The following RBM39 variants were observed in gnomAD, a reference collection of about 807,000 sequenced individuals.
RBM39 encodes RNA-binding protein 39.
Under a neutral mutation model 79.6 loss-of-function variants are expected in RBM39, and 12 were observed. The ratio of observed to expected loss-of-function variants is 0.15; its 90% confidence interval spans 0.10 to 0.24. RBM39 has a LOEUF of 0.24. RBM39 is among the 10% of genes least tolerant of loss of function. The pLI is 1.00. For missense variants in RBM39, 243 were observed against 653.4 expected, an observed-to-expected ratio of 0.37 and a Z score of 6.85; for synonymous variants, 185 against 208.4, an observed-to-expected ratio of 0.89 and a Z score of 0.97.
At chr20:35,715,766 T>C (rs978335399) in intron 10 of RBM39, among the ~76,000 whole-genome samples, 1 of 152,162 alleles carries the variant, frequency 6.6e-6, no homozygotes, top group African/African-American at 2.4e-5. Flanking sequence ...CTGTGGAAAG[T>C]GTGACTTGGC....
At chr20:35,735,805 A>C (rs1486393824) in intron 3 of RBM39, among the ~76,000 whole-genome samples, 2 of 152,232 alleles carry the variant, frequency 1.3e-5, no homozygotes, top group Non-Finnish European at 2.9e-5. Context: ...AGTGTTTTGA[A>C]AGGATCTTCC....
At chr20:35,739,107 C>G (rs1569083913) in intron 2 of RBM39, 90 bp from the exon 3 acceptor site, 2 of 1,096,032 alleles carry the variant, frequency 1.8e-6, no homozygotes, top group African/African-American at 3.2e-5. Context: ...TAAGAAAATA[C>G]AAAACAATTT....
intron 3 of RBM39, chr20:35,734,334 C>T: frequency 1.2e-6 from 1 of 818,332 alleles, no homozygotes; most frequent in Non-Finnish European, 1.8e-6. Flanking sequence ...TTAGGCTACA[C>T]TCATTATTTA....
chr20:35,724,493 CACA>C, intron 8 of RBM39, 74 bp downstream of exon 8: 1 of 1,349,708 alleles, frequency 7.4e-7, no homozygotes, highest in Non-Finnish European at 9.9e-7. Context: ...AGTCACAGAA[CACA>C]ACAGCACTAT....
intron 8 of RBM39, among the ~76,000 whole-genome samples, chr20:35,722,927 C>A (rs189196977): frequency 6.8e-6 from 1 of 147,118 alleles, no homozygotes; most frequent in South Asian, 2.2e-4. Context: ...GAGCGAGACT[C>A]CGTCTCAAGA....
intron 3 of RBM39, among the ~76,000 whole-genome samples, chr20:35,737,876 A>G (rs911511982): frequency 4.9e-4 from 60 of 121,532 alleles, no homozygotes; most frequent in African/African-American, 1.9e-3. Context: ...AAAAAAGGCC[A>G]GGCGCGGTGG....
chr20:35,732,204 G>A (rs776836499), intron 3 of RBM39, 69 bp from the exon 4 acceptor site: 130 of 1,346,812 alleles, frequency 9.7e-5, no homozygotes, highest in Non-Finnish European at 1.3e-4. Flanking sequence ...ACCTTTTATG[G>A]CCAGAATCAT....
In RBM39 at chr20:35,705,346, A is replaced by T; in HGVS notation, c.1308-16T>A. 2 of 1,381,348 alleles carry T rather than the reference A, an allele frequency of 1.4e-6. No individual in the cohort carries two copies. The highest frequency in any genetic ancestry group is 2.0e-6 in the Non-Finnish European group (2 of 985,324). 85.6% of individuals were successfully genotyped at this position (1,381,348 alleles called of 1,614,324 possible). ...TTCTTCTTCTCTGTAAGAAAGTATT[A>T]AGGACTCTTAAATACTATTGAAACT... On this transcript the variant is annotated splice_polypyrimidine_tract_variant and intron_variant, in intron 14 of 16. Coordinates refer to ENST00000253363, the MANE Select transcript of RBM39 (RefSeq NM_184234.3).
Position 35,731,812 on chromosome 20 carries a change from C to T in RBM39, c.296+129G>A, listed in dbSNP as rs2039398218. 5.3e-5 allele frequency: 49 copies of T among 925,274 alleles called. 1 individual carries two copies. The South Asian group carries it at 7.8e-4, about 15-fold the overall frequency. 57.3% of individuals were successfully genotyped at this position (925,274 alleles called of 1,614,324 possible). A position where few individuals can be genotyped will look rare whatever the true frequency, so the allele number is the denominator to read the frequency against. On this transcript the variant is annotated intron_variant, in intron 4 of 16. Transcript: ENST00000253363. ...TTTACTAGTATTCAATGCCAATATC[C>T]TTAATTCAATACTTTTTAACCAATC...
intron 3 of RBM39, chr20:35,736,521 G>A (rs2039924093): frequency 4.3e-6 from 2 of 469,130 alleles, no homozygotes; most frequent in African/African-American, 4.0e-5. Context: ...ACCTAACACA[G>A]TTGTAGTGAG....
chr20:35,720,695 C>CAG, intron 9 of RBM39, among the ~76,000 whole-genome samples: 1 of 152,182 alleles, frequency 6.6e-6, no homozygotes, highest in East Asian at 1.9e-4. Flanking sequence ...CGCTTGAACA[C>CAG]AGAGAGGAGG....
At chr20:35,731,590 G>C (rs1308860886) in intron 4 of RBM39, 2 of 223,488 alleles carry the variant, frequency 8.9e-6, no homozygotes, top group South Asian at 8.9e-5. Context: ...AGCAAATACT[G>C]TAACAGCCCA....
chr20:35,708,959 C>A, intron 13 of RBM39: 1 of 343,640 alleles, frequency 2.9e-6, no homozygotes, highest in African/African-American at 2.1e-5. Flanking sequence ...CACAGGTAGG[C>A]ATAAAACAAA....
intron 6 of RBM39, among the ~76,000 whole-genome samples, chr20:35,726,487 T>C (rs568899794): frequency 1.3e-5 from 2 of 152,308 alleles, no homozygotes; most frequent in African/African-American, 4.8e-5. Context: ...AGTTTAATCA[T>C]AGTCATAAAA....
intron 9 of RBM39, among the ~76,000 whole-genome samples, chr20:35,717,766 A>T (rs1430155595): frequency 6.6e-6 from 1 of 152,156 alleles, no homozygotes; most frequent in Non-Finnish European, 1.5e-5. Context: ...GGAGGATCGC[A>T]TGTTAAGGAG....
intron 8 of RBM39, among the ~76,000 whole-genome samples, chr20:35,723,726 T>C (rs2146618893): frequency 6.6e-6 from 1 of 152,132 alleles, no homozygotes; most frequent in Admixed American, 6.5e-5. Flanking sequence ...GCATGAGCCA[T>C]CGCGCCCAGC....
At chr20:35,709,160 CTG>C (rs2036113686) in intron 13 of RBM39, 62 bp downstream of exon 13, 1 of 1,404,468 alleles carries the variant, frequency 7.1e-7, no homozygotes, top group South Asian at 1.2e-5. Flanking sequence ...ATATAGAAAA[CTG>C]TCTTACTACA....
At chr20:35,711,066 A>C (rs1429849807) in intron 12 of RBM39, among the ~76,000 whole-genome samples, 2 of 152,350 alleles carry the variant, frequency 1.3e-5, no homozygotes, top group Middle Eastern at 6.8e-3. Flanking sequence ...TTAACAGTGG[A>C]TAATCTTCAG....
chr20:35,740,068 G>C (rs1056802329), intron 2 of RBM39: 1 of 156,734 alleles, frequency 6.4e-6, no homozygotes, highest in African/African-American at 2.4e-5. Flanking sequence ...TTTTTAGTGT[G>C]AAATACTATG....
Sources: allele counts gnomAD v4.1 joint callset (sites outside exome capture counted in the v4.1 genomes callset), GRCh38; gene constraint gnomAD v4.1.1; transcripts MANE v1.5; gene names NCBI Gene and HGNC (gene_info 2026-07-23, HGNC 2026-07-21).